CCM2L: variants seen among roughly 807,000 people sequenced by gnomAD.
CCM2L encodes CCM2 like scaffold protein, also known as cerebral cavernous malformations 2 protein-like.
A neutral mutation model predicts 54.1 loss-of-function variants in CCM2L; 36 were observed. The ratio of observed to expected loss-of-function variants is 0.67; its 90% CI spans 0.51 to 0.88. The LOEUF is 0.88. Ranked by LOEUF, CCM2L falls within the 40% of genes least tolerant of loss-of-function variation. The pLI, the probability that CCM2L is intolerant of heterozygous loss-of-function variation, is 0.00. For missense variants in CCM2L, 700 were observed against 812.1 expected, an observed-to-expected ratio of 0.86 and a Z score of 1.68; for synonymous variants, 351 against 359.3, an observed-to-expected ratio of 0.98 and a Z score of 0.26.
chr20:32,012,686 G>T (rs1245507533), intron 1 of CCM2L, among the ~76,000 whole-genome samples: 1 of 152,092 alleles, frequency 6.6e-6, no homozygotes, highest in Non-Finnish European at 1.5e-5. Flanking sequence ...AGATAAAGTT[G>T]GAAACTCACT....
intron 6 of CCM2L, 123 bp from the exon 7 acceptor site, chr20:32,025,733 T>G: frequency 1.8e-6 from 1 of 560,254 alleles, no homozygotes; most frequent in Non-Finnish European, 3.0e-6. Flanking sequence ...CAGGGTCTGT[T>G]GTGTGTTGGT....
intron 6 of CCM2L, among the ~76,000 whole-genome samples, 171 bp downstream of exon 6, chr20:32,022,966 T>C (rs777645813): frequency 7.9e-5 from 11 of 139,782 alleles, no homozygotes; most frequent in African/African-American, 1.8e-4. Context: ...TTTTTCTTTT[T>C]CTTTTCTTTT....
rs766145413 is a variant in CCM2L, at chr20:32,017,974, T to G, written c.283-5T>G. On this transcript the variant is annotated splice_region_variant and splice_polypyrimidine_tract_variant and intron_variant, in intron 3 of 9. Transcript: ENST00000452892. Reference sequence around the variant, plus strand: ...CGGGAACTCGAGATCTGCCCCTCCCTGCAGCAGCTGAAGGAGCTGCCGCTG... The same window carrying G: ...CGGGAACTCGAGATCTGCCCCTCCCGGCAGCAGCTGAAGGAGCTGCCGCTG... The G allele has an allele frequency of 1.2e-6, 2 of 1,613,466 alleles. No individual in the cohort carries two copies. The highest frequency in any genetic ancestry group is 1.7e-6 in the Non-Finnish European group (2 of 1,179,846).
chr20:32,011,268 C>T lies in CCM2L; in HGVS notation c.30+784C>T, dbSNP rs115925087. Reference sequence around the variant, plus strand: ...ACATTTATTGAGTGCCTATTATGCACCAGGTATTTCTTTTTTTAAAGCAAT... The same window carrying T: ...ACATTTATTGAGTGCCTATTATGCATCAGGTATTTCTTTTTTTAAAGCAAT... On this transcript the variant is annotated intron_variant, in intron 1 of 9. Coordinates refer to ENST00000452892, the MANE Select transcript of CCM2L (RefSeq NM_001365692.1). 6.2e-3 allele frequency among the ~76,000 whole-genome samples: 942 copies of T among 152,240 alleles called. 12 individuals carry two copies. Among genetic ancestry groups the T allele is most frequent in the African/African-American group, 0.022 (917 of 41,532 alleles).
In CCM2L at chr20:32,019,414, G is replaced by C; in HGVS notation, c.933+5G>C. The C allele has an allele frequency of 2.0e-6, 3 of 1,513,862 alleles. No homozygotes were observed. In the African/African-American group the frequency reaches 4.3e-5, roughly 22 times the overall value. 93.8% of individuals were successfully genotyped at this position (1,513,862 alleles called of 1,614,324 possible). A position where few individuals can be genotyped will look rare whatever the true frequency, so the allele number is the denominator to read the frequency against. ...ATCCTGGCTGTAGCCAACAGGGTGA[G>C]CCCGAGGGCAGCCTGCTCCCAAAGC... On this transcript the variant is annotated splice_donor_5th_base_variant and intron_variant, in intron 5 of 9. Transcript: ENST00000452892.
At chr20:32,030,159 C>G (rs756544358) in intron 9 of CCM2L, among the ~76,000 whole-genome samples, 1 of 152,136 alleles carries the variant, frequency 6.6e-6, no homozygotes, top group African/African-American at 2.4e-5. Context: ...GGAACATGTC[C>G]AAGGTCACAC....
chr20:32,031,236 C>CGAA lies in CCM2L; in HGVS notation c.1640_1641insAGA (p.Pro546_Asp547insGlu). ...CGCACGACATCGAGGCGCTGGCCCC[C>CGAA]GATGACGACGACGACGACGAGGATG... is the stretch of plus-strand genomic sequence containing the variant. On this transcript the variant is annotated inframe_insertion, in exon 10 of 10. Coordinates refer to ENST00000452892, the MANE Select transcript of CCM2L (RefSeq NM_001365692.1). 1 of 1,298,202 alleles carries CGAA rather than the reference C, an allele frequency of 7.7e-7. No homozygotes were observed. The highest frequency in any genetic ancestry group is 1.2e-5 in the South Asian group (1 of 80,840). The allele number at this position is 1,298,202 out of a possible 1,614,324, so 80.4% of individuals were successfully genotyped here.
At chr20:32,019,763 T>C (rs1009862833) in intron 5 of CCM2L, among the ~76,000 whole-genome samples, 3 of 152,250 alleles carry the variant, frequency 2.0e-5, no homozygotes, top group Middle Eastern at 6.8e-3. Flanking sequence ...CTGCATCAAC[T>C]CATTTAATTC....
intron 5 of CCM2L, 62 bp downstream of exon 5, chr20:32,019,471 A>G: frequency 2.2e-6 from 2 of 906,336 alleles, no homozygotes; most frequent in Middle Eastern, 4.6e-4. Flanking sequence ...CCCCGCCCCC[A>G]CCTTGCCCCC....
At position 32,031,655 on chromosome 20, in the gene CCM2L, G is replaced by T. The variant is rs1600688040; in HGVS notation, c.*341G>T. 1.2e-5 allele frequency: 2 copies of T among 167,552 alleles called. No homozygotes were observed. Among genetic ancestry groups the T allele is most frequent in the Non-Finnish European group, 1.3e-5 (1 of 77,344 alleles). 10.4% of individuals were successfully genotyped at this position (167,552 alleles called of 1,614,324 possible). A position where few individuals can be genotyped will look rare whatever the true frequency, so the allele number is the denominator to read the frequency against. On this transcript the variant is annotated 3_prime_UTR_variant, in exon 10 of 10. Transcript: ENST00000452892. ...CCCGGGACGCCGCAGCTTTCTGGAGGCTGAGGAAGGCATGAAGAGTGGGCT... is the reference window on the plus strand; with the variant it reads ...CCCGGGACGCCGCAGCTTTCTGGAGTCTGAGGAAGGCATGAAGAGTGGGCT...
At chr20:32,010,892 C>T (rs962441356) in intron 1 of CCM2L, among the ~76,000 whole-genome samples, 1 of 152,196 alleles carries the variant, frequency 6.6e-6, no homozygotes, top group Non-Finnish European at 1.5e-5. Flanking sequence ...AGGGCAATTC[C>T]GATAGGATGT....
At chr20:32,029,345 C>T (rs1260324939) in intron 8 of CCM2L, among the ~76,000 whole-genome samples, 2 of 152,194 alleles carry the variant, frequency 1.3e-5, no homozygotes, top group Non-Finnish European at 2.9e-5. Context: ...AGGCACCATT[C>T]TAAGCACCTT....
rs1259954648 is a variant in CCM2L at position 32,019,346 on chromosome 20, C to G, written c.870C>G (p.Leu290=). ...WERRHPGPNP[L]DPQDPSPDAY... ...GGCGCCACCCCGGCCCCAACCCGCT[C>G]GACCCGCAGGACCCCAGCCCCGACG... is the stretch of plus-strand genomic sequence containing the variant. Residue 290 remains leucine, a synonymous_variant, in exon 5 of 10, where the codon CTC becomes CTG. Coordinates refer to ENST00000452892, the MANE Select transcript of CCM2L (RefSeq NM_001365692.1). 6.1e-6 allele frequency: 9 copies of G among 1,475,852 alleles called. No individual in the cohort carries two copies. Among genetic ancestry groups the G allele is most frequent in the Non-Finnish European group, 8.1e-6 (9 of 1,117,888 alleles). 91.4% of individuals were successfully genotyped at this position (1,475,852 alleles called of 1,614,324 possible). A position where few individuals can be genotyped will look rare whatever the true frequency, so the allele number is the denominator to read the frequency against.
chr20:32,013,214 G>A (rs1476042353), intron 1 of CCM2L, among the ~76,000 whole-genome samples: 1 of 152,166 alleles, frequency 6.6e-6, no homozygotes, highest in Non-Finnish European at 1.5e-5. Flanking sequence ...CAGAGGGATC[G>A]CTTGAACCTA....
At chr20:32,027,001 A>C (rs1022143562) in intron 7 of CCM2L, among the ~76,000 whole-genome samples, 1 of 152,226 alleles carries the variant, frequency 6.6e-6, no homozygotes, top group Non-Finnish European at 1.5e-5. Flanking sequence ...TGGGCAACAT[A>C]GGGAGACCCT....
chr20:32,025,861 A>G lies in CCM2L; in HGVS notation c.1075A>G (p.Ser359Gly), dbSNP rs1319239257. 7.7e-7 allele frequency: 1 copy of G among 1,303,798 alleles called. No individual in the cohort carries two copies. The highest frequency in any genetic ancestry group is 1.0e-6 in the Non-Finnish European group (1 of 988,906). The allele number at this position is 1,303,798 out of a possible 1,614,324, so 80.8% of individuals were successfully genotyped here. A position where few individuals can be genotyped will look rare whatever the true frequency, so the allele number is the denominator to read the frequency against. Residue 359 changes from serine to glycine, a missense_variant, in exon 7 of 10, where the codon AGC becomes GGC. By Grantham distance (56) the Ser-to-Gly change is moderately conservative (BLOSUM62 0). Transcript: ENST00000452892. ...CCTCTGTCTGCTGGTCCCAGGTGAG[A>G]GCTGCCACACAGATGGGACGTATGC... ...ERPWLCSRSESCHTDGTYAYD... is the reference protein window; with the variant it reads ...ERPWLCSRSEGCHTDGTYAYD...
chr20:32,012,471 T>G (rs1027626772), intron 1 of CCM2L, among the ~76,000 whole-genome samples: 1 of 152,130 alleles, frequency 6.6e-6, no homozygotes, highest in East Asian at 1.9e-4. Context: ...GGTGGGAGGA[T>G]CGCTGAGTCA....
intron 1 of CCM2L, among the ~76,000 whole-genome samples, chr20:32,012,548 C>CA (rs1403347903): frequency 1.3e-5 from 2 of 152,132 alleles, no homozygotes; most frequent in Non-Finnish European, 2.9e-5. Flanking sequence ...CTTTGAGAAC[C>CA]ACCGGTTTAG....
chr20:32,023,895 T>A (rs2064830410), intron 6 of CCM2L, among the ~76,000 whole-genome samples: 1 of 152,178 alleles, frequency 6.6e-6, no homozygotes, highest in Non-Finnish European at 1.5e-5. Flanking sequence ...TACGCCCAGC[T>A]AATTTTTGTA....
Sources: gnomAD v4.1 joint callset for allele counts (sites outside exome capture counted in the v4.1 genomes callset) on GRCh38, gnomAD v4.1.1 for gene constraint, MANE v1.5 for transcripts, NCBI Gene and HGNC (gene_info 2026-07-23, HGNC 2026-07-21) for gene names.